LNX1: variants seen among roughly 807,000 people sequenced by gnomAD.
The protein encoded by LNX1 is ligand of numb-protein X 1.
A neutral mutation model predicts 68.4 loss-of-function variants in LNX1; 54 were observed. The ratio of observed to expected loss-of-function variants is 0.79; its 90% confidence interval spans 0.63 to 0.99. The LOEUF (loss-of-function observed/expected upper bound fraction) is 0.99, where lower values mean the gene tolerates loss of function less well. Among genes scored for constraint, LNX1 ranks in the 50% least tolerant of loss-of-function variants. The pLI, the probability that LNX1 is intolerant of heterozygous loss-of-function variation, is 0.00. For synonymous variants in LNX1, 336 were observed against 350.0 expected (o/e 0.96, Z 0.45); for missense variants, 906 against 926.4 (o/e 0.98, Z 0.29).
intron 1 of LNX1, among the ~76,000 whole-genome samples, chr4:53,624,570 T>G (rs904026465): frequency 6.6e-6 from 1 of 152,174 alleles, no homozygotes; most frequent in Non-Finnish European, 1.5e-5. Context: ...GAAAATGGAC[T>G]AATACATCTC....
intron 7 of LNX1, among the ~76,000 whole-genome samples, chr4:53,480,048 G>T (rs1723813828): frequency 6.6e-6 from 1 of 152,096 alleles, no homozygotes; most frequent in African/African-American, 2.4e-5. Flanking sequence ...CACAAATCCT[G>T]CTTTGTCTTC....
intron 1 of LNX1, among the ~76,000 whole-genome samples, chr4:53,649,848 G>T (rs1735026038): frequency 6.6e-6 from 1 of 152,176 alleles, no homozygotes; most frequent in Admixed American, 6.5e-5. Flanking sequence ...AGTTCCTTGA[G>T]GGTGGTGACT....
chr4:53,622,381 C>T (rs574608321), upstream of LNX1, among the ~76,000 whole-genome samples: 3 of 152,062 alleles, frequency 2.0e-5, no homozygotes, highest in South Asian at 2.1e-4. Context: ...TTTAATGTCC[C>T]GGTGTCGCAG....
intron 1 of LNX1, chr4:53,576,066 C>T: frequency 1.3e-6 from 2 of 1,554,046 alleles, no homozygotes; most frequent in Non-Finnish European, 8.7e-7. Flanking sequence ...AACTCTGCAT[C>T]CCCCAAGACC....
At chr4:53,633,069 C>A (rs567183312) in intron 1 of LNX1, among the ~76,000 whole-genome samples, 5 of 152,158 alleles carry the variant, frequency 3.3e-5, no homozygotes, top group Non-Finnish European at 7.3e-5. Flanking sequence ...GGGTTCAGCC[C>A]CAACATCATC....
At chr4:53,558,767 T>A (rs1164300588) in intron 2 of LNX1, among the ~76,000 whole-genome samples, 2 of 152,246 alleles carry the variant, frequency 1.3e-5, no homozygotes, top group Non-Finnish European at 2.9e-5. Flanking sequence ...TGAATTGAGC[T>A]CTGAAATCAG....
At chr4:53,622,075 A>AT (rs893533660), upstream of LNX1, among the ~76,000 whole-genome samples, 34 of 152,244 alleles carry the variant, frequency 2.2e-4, no homozygotes, top group African/African-American at 7.5e-4. Flanking sequence ...TTTTCTTGAC[A>AT]TTTTTTATAG....
chr4:53,577,125 G>C (rs776585877), intron 1 of LNX1, among the ~76,000 whole-genome samples: 1 of 152,190 alleles, frequency 6.6e-6, no homozygotes, highest in African/African-American at 2.4e-5. Flanking sequence ...TGTCCTCAAG[G>C]CTGTTAGAAA....
In LNX1 at chr4:53,459,608, T is replaced by C. The variant is rs577661866; in HGVS notation, c.*1299A>G. 2.4e-5 allele frequency: 24 copies of C among 1,011,178 alleles called. No homozygotes were observed. The African/African-American group carries it at 2.6e-4, about 11-fold the overall frequency. 62.6% of individuals were successfully genotyped at this position (1,011,178 alleles called of 1,614,324 possible). On this transcript the variant is annotated 3_prime_UTR_variant, in exon 11 of 11. Transcript: ENST00000263925. ...CCAAAATAAAAGAGTGAATTTTTCA[T>C]GTTAAGTTAAAAATCTTTGTCTTGT...
chr4:53,480,807 T>G (rs1385292144), intron 7 of LNX1, among the ~76,000 whole-genome samples: 1 of 152,180 alleles, frequency 6.6e-6, no homozygotes, highest in East Asian at 1.9e-4. Context: ...TTGTAAGCTA[T>G]TCCAACCAAC....
chr4:53,632,925 A>G (rs1249213451), intron 1 of LNX1, among the ~76,000 whole-genome samples: 1 of 152,222 alleles, frequency 6.6e-6, no homozygotes, highest in Admixed American at 6.5e-5. Flanking sequence ...CTTCCTCAAG[A>G]TATATCCTAT....
chr4:53,591,721 G>A (rs1400374024), upstream of LNX1: 1 of 296,150 alleles, frequency 3.4e-6, no homozygotes. Context: ...TTGCCAGGTG[G>A]AATTTACTTT....
At chr4:53,516,875 T>G (rs1352255134) in intron 2 of LNX1, among the ~76,000 whole-genome samples, 1 of 152,082 alleles carries the variant, frequency 6.6e-6, no homozygotes, top group Non-Finnish European at 1.5e-5. Flanking sequence ...GGAGGAGGTT[T>G]CAGAAGGAAT....
chr4:53,569,211 C>T (rs1166454520), intron 2 of LNX1, among the ~76,000 whole-genome samples: 1 of 152,078 alleles, frequency 6.6e-6, no homozygotes, highest in African/African-American at 2.4e-5. Context: ...CCAAGTCAAT[C>T]CTAAGCCAAA....
intron 1 of LNX1, 66 bp from the exon 2 acceptor site, chr4:53,574,154 C>T (rs931730465): frequency 8.3e-7 from 1 of 1,208,002 alleles, no homozygotes; most frequent in African/African-American, 1.5e-5. Context: ...TTATGGTAGA[C>T]ATGAGACAGG....
intron 2 of LNX1, among the ~76,000 whole-genome samples, chr4:53,514,447 G>C (rs1726594302): frequency 6.6e-6 from 1 of 152,210 alleles, no homozygotes; most frequent in Non-Finnish European, 1.5e-5. Flanking sequence ...GGCAGAAGAT[G>C]AGGAGGAGCA....
chr4:53,550,558 T>A (rs978001983), intron 2 of LNX1, among the ~76,000 whole-genome samples: 15 of 152,190 alleles, frequency 9.9e-5, no homozygotes, highest in African/African-American at 3.6e-4. Flanking sequence ...TGGTTTGAAC[T>A]TTGAAAGTGT....
In LNX1 at chr4:53,460,718, T is replaced by C; in HGVS notation, c.*189A>G. The C allele has an allele frequency of 1.8e-6, 1 of 552,062 alleles. No homozygotes were observed. Among genetic ancestry groups the C allele is most frequent in the Non-Finnish European group, 3.1e-6 (1 of 323,846 alleles). 34.2% of individuals were successfully genotyped at this position (552,062 alleles called of 1,614,324 possible). A position where few individuals can be genotyped will look rare whatever the true frequency, so the allele number is the denominator to read the frequency against. On this transcript the variant is annotated 3_prime_UTR_variant, in exon 11 of 11. Transcript: ENST00000263925. The stretch of plus-strand genomic sequence containing the variant: ...GAAATCCTCCACACTGAAAAAAAAC[T>C]AGTAGTTTTAATTTTTTTGGAATCA...
At chr4:53,579,767 C>T (rs1731719126) in intron 1 of LNX1, among the ~76,000 whole-genome samples, 1 of 152,224 alleles carries the variant, frequency 6.6e-6, no homozygotes, top group Non-Finnish European at 1.5e-5. Context: ...TTCAATGCAC[C>T]CTGGCTTTAT....
Sources: gnomAD v4.1 joint callset for allele counts (sites outside exome capture counted in the v4.1 genomes callset) on GRCh38, gnomAD v4.1.1 for gene constraint, MANE v1.5 for transcripts, NCBI Gene and HGNC (gene_info 2026-07-23, HGNC 2026-07-21) for gene names.